Variants in RAI14 observed in about 807,000 individuals in gnomAD.
RAI14 encodes the protein retinoic acid induced 14.
A neutral mutation model predicts 115.4 loss-of-function variants in RAI14; 45 were observed. The observed-to-expected ratio is 0.39, with a 90% CI of 0.31 to 0.50. The LOEUF (loss-of-function observed/expected upper bound fraction) is 0.50, where lower values mean the gene tolerates loss of function less well. RAI14 is among the 20% of genes least tolerant of loss of function. The pLI, the probability that RAI14 is intolerant of heterozygous loss-of-function variation, is 0.85. For synonymous variants in RAI14, 371 were observed against 415.4 expected, an observed-to-expected ratio of 0.89 and a Z score of 1.30; for missense variants, 939 against 1,131.2, an observed-to-expected ratio of 0.83 and a Z score of 2.44.
intron 1 of RAI14, among the ~76,000 whole-genome samples, chr5:34,665,141 A>G (rs1376938379): frequency 2.3e-5 from 1 of 42,912 alleles, no homozygotes; most frequent in Admixed American, 3.8e-4. Context: ...GTATATATAT[A>G]CACATATATA....
chr5:34,813,291 G>C (rs1416944507), intron 10 of RAI14, among the ~76,000 whole-genome samples: 1 of 152,162 alleles, frequency 6.6e-6, no homozygotes, highest in African/African-American at 2.4e-5. Context: ...TGGATTCTAA[G>C]TTGTAGTAGA....
intron 2 of RAI14, chr5:34,716,171 C>A (rs1174647030): frequency 5.1e-6 from 2 of 395,098 alleles, no homozygotes; most frequent in Non-Finnish European, 9.8e-6. Flanking sequence ...AAAAAATGCA[C>A]AGATTTCAAA....
At chr5:34,749,308 T>A (rs1746696209) in intron 2 of RAI14, among the ~76,000 whole-genome samples, 1 of 152,222 alleles carries the variant, frequency 6.6e-6, no homozygotes, top group African/African-American at 2.4e-5. Flanking sequence ...GCATCTTTTC[T>A]CAAGAAAGTC....
At chr5:34,735,689 T>A (rs1744775813) in intron 2 of RAI14, among the ~76,000 whole-genome samples, 3 of 152,258 alleles carry the variant, frequency 2.0e-5, no homozygotes. Context: ...TTATTCATCT[T>A]ATGGTCTATT....
chr5:34,817,430 G>C (rs529854608), intron 12 of RAI14, among the ~76,000 whole-genome samples: 1 of 152,242 alleles, frequency 6.6e-6, no homozygotes. Context: ...AGTTTGGAAA[G>C]CTGGAAGTTT....
In RAI14 at chr5:34,686,892, G is replaced by A. The variant is rs763169622; in HGVS notation, c.-28G>A. 1.2e-6 allele frequency: 2 copies of A among 1,612,526 alleles called. No homozygotes were observed. Among genetic ancestry groups the A allele is most frequent in the Admixed American group, 1.7e-5 (1 of 59,894 alleles). ...CTTAGGTGTTGAAAAGTCTCCTCTA[G>A]AGCTTTGGAAGGCTGAATGCACTAA... On this transcript the variant is annotated 5_prime_UTR_variant, in exon 2 of 18. Transcript: ENST00000265109.
intron 4 of RAI14, among the ~76,000 whole-genome samples, chr5:34,799,343 C>G (rs1046344620): frequency 6.6e-6 from 1 of 152,164 alleles, no homozygotes; most frequent in Non-Finnish European, 1.5e-5. Context: ...CAGGTATTGT[C>G]TTTCCATGTG....
chr5:34,665,414 A>G, intron 1 of RAI14, among the ~76,000 whole-genome samples: 1 of 150,816 alleles, frequency 6.6e-6, no homozygotes, highest in Non-Finnish European at 1.5e-5. Context: ...GGCAGTGTTA[A>G]CTGATGGAGA....
At chr5:34,706,764 G>A (rs1280082323) in intron 2 of RAI14, among the ~76,000 whole-genome samples, 1 of 152,128 alleles carries the variant, frequency 6.6e-6, no homozygotes, top group Non-Finnish European at 1.5e-5. Context: ...TAAGGGCACA[G>A]AAATAATACT....
chr5:34,762,027 T>A (rs560625062), intron 3 of RAI14, among the ~76,000 whole-genome samples: 2 of 152,296 alleles, frequency 1.3e-5, no homozygotes, highest in East Asian at 3.9e-4. Flanking sequence ...TAGAGTACAG[T>A]AAAGCTCCCT....
At chr5:34,732,821 A>G (rs953962726) in intron 2 of RAI14, among the ~76,000 whole-genome samples, 1 of 149,596 alleles carries the variant, frequency 6.7e-6, no homozygotes. Flanking sequence ...TATAATATGT[A>G]TATATATTTT....
chr5:34,827,538 C>T lies in RAI14; in HGVS notation c.2799+1059C>T, dbSNP rs766866647. On this transcript the variant is annotated intron_variant, in intron 16 of 17. Transcript: ENST00000265109. This position sits in a 1 kb window ranked among gnomAD's most constrained non-coding sequence, Gnocchi z 4.2. Reference sequence around the variant, plus strand: ...CAGAACATGGATTTGATGATTTCTTCGGAATAGACCTAACTGTAGTGAATT... The same window carrying T: ...CAGAACATGGATTTGATGATTTCTTTGGAATAGACCTAACTGTAGTGAATT... Among the ~76,000 whole-genome samples the T allele has an allele frequency of 8.5e-5, 13 of 152,132 alleles. No homozygotes were observed. The highest frequency in any genetic ancestry group is 5.8e-4 in the East Asian group (3 of 5,190).
chr5:34,820,035 G>T (rs1756660995), intron 13 of RAI14, among the ~76,000 whole-genome samples: 1 of 152,090 alleles, frequency 6.6e-6, no homozygotes, highest in Non-Finnish European at 1.5e-5. Context: ...TTGCATTTAG[G>T]CTCCCAGTTC....
intron 3 of RAI14, among the ~76,000 whole-genome samples, chr5:34,777,683 G>A (rs761032005): frequency 1.3e-5 from 2 of 152,130 alleles, no homozygotes; most frequent in Admixed American, 6.5e-5. Flanking sequence ...GGAGGCTGAG[G>A]CAGGAGAATC....
intron 3 of RAI14, among the ~76,000 whole-genome samples, chr5:34,793,498 G>A (rs1753168207): frequency 7.3e-6 from 1 of 136,200 alleles, no homozygotes; most frequent in African/African-American, 2.6e-5. Flanking sequence ...TAGCAGGAGG[G>A]TTTTGGGGTC....
chr5:34,698,427 CA>C (rs1739611264), intron 2 of RAI14, among the ~76,000 whole-genome samples: 1 of 151,826 alleles, frequency 6.6e-6, no homozygotes, highest in African/African-American at 2.4e-5. Flanking sequence ...TGAATGGTCT[CA>C]AAACGTCCCA....
intron 1 of RAI14, among the ~76,000 whole-genome samples, chr5:34,683,796 C>G (rs1474821918): frequency 1.3e-5 from 2 of 151,510 alleles, no homozygotes; most frequent in Non-Finnish European, 2.9e-5. Flanking sequence ...GGCGCGATAT[C>G]GGCTCACTGC....
chr5:34,660,415 A>G (rs1014270880), intron 1 of RAI14, among the ~76,000 whole-genome samples: 6 of 152,220 alleles, frequency 3.9e-5, no homozygotes, highest in African/African-American at 1.4e-4. Context: ...CAGCCTGGGC[A>G]ACAAGAGTGA....
chr5:34,673,136 G>A (rs1421255990), intron 1 of RAI14, among the ~76,000 whole-genome samples: 1 of 152,006 alleles, frequency 6.6e-6, no homozygotes, highest in Non-Finnish European at 1.5e-5. Context: ...ATAGTTAATT[G>A]TGATTGTTTT....
Sources: gnomAD v4.1 joint callset for allele counts (sites outside exome capture counted in the v4.1 genomes callset) on GRCh38, gnomAD v4.1.1 for gene constraint, Gnocchi (gnomAD v3.1) non-coding constraint, MANE v1.5 for transcripts, NCBI Gene and HGNC (gene_info 2026-07-23, HGNC 2026-07-21) for gene names.